Variants in NDUFS2 observed in about 807,000 individuals in gnomAD.
NDUFS2 encodes the protein NADH dehydrogenase [ubiquinone] iron-sulfur protein 2, mitochondrial.
A neutral mutation model predicts 69.6 loss-of-function variants in NDUFS2; 38 were observed. The observed-to-expected ratio is 0.55, with a 90% CI of 0.42 to 0.72. The LOEUF (loss-of-function observed/expected upper bound fraction) is 0.72. Among genes scored for constraint, NDUFS2 ranks in the 30% least tolerant of loss-of-function variants. The pLI is 0.00. For missense variants in NDUFS2, 468 were observed against 595.0 expected (o/e 0.79, Z 2.22); for synonymous variants, 194 against 211.2 (o/e 0.92, Z 0.70).
chr1:161,209,604 G>T lies in NDUFS2; in HGVS notation c.627+9G>T. On this transcript the variant is annotated intron_variant, in intron 5 of 13. Transcript: ENST00000676972. The stretch of plus-strand genomic sequence containing the variant: ...TTGAAGAAAGGGAGAAGGTAAGAGT[G>T]GGAGGAAAGGATAGGAATAGGGAAG... The T allele has an allele frequency of 6.3e-7, 1 of 1,599,228 alleles. No individual in the cohort carries two copies.
At chr1:161,198,835 T>G (rs768665399), upstream of NDUFS2, 1 of 495,978 alleles carries the variant, frequency 2.0e-6, no homozygotes, top group Non-Finnish European at 3.5e-6. The surrounding 1 kb of genome is among the most constrained non-coding windows in gnomAD (Gnocchi z 4.7). Flanking sequence ...GGGTCTGGCT[T>G]CTCCAAACTC....
At chr1:161,212,899 T>G (rs1012326150) in intron 10 of NDUFS2, among the ~76,000 whole-genome samples, 14 of 151,824 alleles carry the variant, frequency 9.2e-5, no homozygotes, top group East Asian at 1.9e-4. Flanking sequence ...GAGATTCGGG[T>G]TTTTTTTATT....
rs369587686 is a variant in NDUFS2, at chr1:161,210,412, C to G, written c.866+23C>G. 15 of 1,608,986 alleles carry G rather than the reference C, an allele frequency of 9.3e-6. No homozygotes were observed. In the South Asian group the frequency reaches 1.4e-4, roughly 15 times the overall value. ...TAGGTGAGGGGAATACAACTTCTCT[C>G]CGTAGGAGTGGGGGTGGGAGTGGGG... On this transcript the variant is annotated intron_variant, in intron 8 of 13. Transcript: ENST00000676972.
intron 2 of NDUFS2, 54 bp from the exon 3 acceptor site, chr1:161,206,353 T>C: frequency 6.3e-7 from 1 of 1,586,970 alleles, no homozygotes; most frequent in Admixed American, 1.7e-5. Context: ...TGCTATCTTT[T>C]GGGGGATCCC....
At position 161,209,970 on chromosome 1, in the gene NDUFS2, G is replaced by T. The variant is rs1462755652; in HGVS notation, c.702+39G>T. The T allele has an allele frequency of 1.9e-6, 3 of 1,612,382 alleles. No homozygotes were observed. In the South Asian group the frequency reaches 3.3e-5, roughly 18 times the overall value. On this transcript the variant is annotated intron_variant, in intron 6 of 13. Coordinates refer to ENST00000676972, the MANE Select transcript of NDUFS2 (RefSeq NM_001377299.1). ...CGGCTTCCCCAAATGTCCAGCCCAG[G>T]CCTATTTTCCCTGTGGCCACTGGAG...
chr1:161,209,221 A>G lies in NDUFS2; in HGVS notation c.422A>G (p.Tyr141Cys), dbSNP rs1665635198. Residue 141 changes from tyrosine (Y) to cysteine (C), a missense_variant, in exon 4 of 14, where the codon TAT becomes TGT. Transcript: ENST00000676972. ...CTTCCATACTTTGACCGGCTAGACT[A>G]TGTGTCCATGATGTGTAACGAACAG... ...QALPYFDRLD[Y>C]VSMMCNEQAY... 1.2e-6 allele frequency: 2 copies of G among 1,614,058 alleles called. No individual in the cohort carries two copies. The highest frequency in any genetic ancestry group is 8.5e-7 in the Non-Finnish European group (1 of 1,180,014).
upstream of NDUFS2, chr1:161,198,655 T>G: frequency 6.8e-7 from 1 of 1,471,142 alleles, no homozygotes; most frequent in Non-Finnish European, 9.0e-7. This position sits in a 1 kb window ranked among gnomAD's most constrained non-coding sequence, Gnocchi z 4.7. Flanking sequence ...TGGGAGGGAC[T>G]GAGGCCGTCT....
rs1665702712 is a variant in NDUFS2 at position 161,210,331 on chromosome 1, A to T, written c.808A>T (p.Asn270Tyr). The T allele has an allele frequency of 1.2e-6, 2 of 1,613,952 alleles. No homozygotes were observed. Among genetic ancestry groups the T allele is most frequent in the Non-Finnish European group, 1.7e-6 (2 of 1,180,008 alleles). The change falls in exon 8 of 14, where the codon AAT becomes TAT. Residue 270 changes from asparagine (N) to tyrosine (Y), a missense_variant. Coordinates refer to ENST00000676972, the MANE Select transcript of NDUFS2 (RefSeq NM_001377299.1). ...GCTGACCAACAATAGGATCTGGCGA[A>T]ATCGGACAATTGACATTGGGGTTGT... Reference protein sequence around the residue: ...ELLTNNRIWRNRTIDIGVVTA... With the variant: ...ELLTNNRIWRYRTIDIGVVTA...
chr1:161,205,821 T>C (rs1355869878), intron 2 of NDUFS2, among the ~76,000 whole-genome samples: 1 of 151,534 alleles, frequency 6.6e-6, no homozygotes, highest in Non-Finnish European at 1.5e-5. Context: ...TTAGTGCGAG[T>C]AAGCATTAGG....
chr1:161,213,314 C>A, intron 10 of NDUFS2, 66 bp from the exon 11 acceptor site: 2 of 1,028,814 alleles, frequency 1.9e-6, no homozygotes, highest in Non-Finnish European at 3.0e-6. Context: ...ATTTTCTGTG[C>A]TGGGGGAGGC....
In NDUFS2 at chr1:161,209,435, C is replaced by T. The variant is rs759871484; in HGVS notation, c.515-48C>T. The T allele has an allele frequency of 4.0e-5, 65 of 1,608,344 alleles. No individual in the cohort carries two copies. In the Middle Eastern group the frequency reaches 9.9e-4, roughly 24 times the overall value. ...CAGGCTCTGCCCAGACCTCTCTGTC[C>T]GCCTCAGTGCTTGGCTCCTATATCC... is the stretch of plus-strand genomic sequence containing the variant. On this transcript the variant is annotated intron_variant, in intron 4 of 13. Coordinates refer to ENST00000676972, the MANE Select transcript of NDUFS2 (RefSeq NM_001377299.1).
chr1:161,210,198 G>T lies in NDUFS2; in HGVS notation c.780+10G>T. 6.2e-7 allele frequency: 1 copy of T among 1,613,830 alleles called. No homozygotes were observed. The highest frequency in any genetic ancestry group is 8.5e-7 in the Non-Finnish European group (1 of 1,179,782). On this transcript the variant is annotated intron_variant, in intron 7 of 13. Coordinates refer to ENST00000676972, the MANE Select transcript of NDUFS2 (RefSeq NM_001377299.1). ...TGATGAGTTGGAGGAGGTAAGCTAG[G>T]AGTCAATGGGAAAAATCTCTCCCCC...
chr1:161,198,785 T>C (rs370827687), upstream of NDUFS2: 32 of 659,616 alleles, frequency 4.9e-5, 1 homozygote, highest in South Asian at 7.5e-4. The surrounding 1 kb of genome is among the most constrained non-coding windows in gnomAD (Gnocchi z 4.7). Context: ...TTAAAGGAAA[T>C]GGAGAAAACT....
At position 161,212,452 on chromosome 1, in the gene NDUFS2, T is replaced by G; in HGVS notation, c.1088T>G (p.Val363Gly). Residue 363 changes from valine (V) to glycine (G), a missense_variant, in exon 10 of 14, where the codon GTG becomes GGG. Transcript: ENST00000676972. ...PGEIKVDDAK[V>G]SPPKRAEMKT... ...GAGATCAAGGTTGATGATGCCAAAGTGTCTCCACCTAAGCGAGCAGAGATG... is the reference window on the plus strand; with the variant it reads ...GAGATCAAGGTTGATGATGCCAAAGGGTCTCCACCTAAGCGAGCAGAGATG... The G allele has an allele frequency of 6.2e-7, 1 of 1,613,658 alleles. No homozygotes were observed. The highest frequency in any genetic ancestry group is 1.3e-5 in the African/African-American group (1 of 74,970).
In NDUFS2 at chr1:161,213,466, G is replaced by T; in HGVS notation, c.1203G>T (p.Glu401Asp). The part of the protein sequence containing the change: ...VPPGATYTAI[E>D]APKGEFGVYL... ...CAGGAGCCACATATACTGCCATTGA[G>T]GCTCCCAAGGTAAGGAGAGGAGGGG... The change falls in exon 11 of 14, where the codon GAG becomes GAT. Residue 401 changes from glutamate (E) to aspartate (D), a missense_variant. Physicochemically the swap from Glu to Asp is conservative, Grantham distance 45. This residue lies in a region of NDUFS2 where 72 missense variants were observed against 118.9 expected (regional missense o/e 0.61). Transcript: ENST00000676972. 6.2e-7 allele frequency: 1 copy of T among 1,609,708 alleles called. No individual in the cohort carries two copies. The highest frequency in any genetic ancestry group is 8.5e-7 in the Non-Finnish European group (1 of 1,177,246).
At chr1:161,200,426 C>T (rs1259345187), upstream of NDUFS2, among the ~76,000 whole-genome samples, 2 of 152,132 alleles carry the variant, frequency 1.3e-5, no homozygotes, top group African/African-American at 4.8e-5. Context: ...CAGGAAATCC[C>T]CAGGAAGGAG....
At chr1:161,212,988 ACT>A (rs1665855678) in intron 10 of NDUFS2, 2 of 296,610 alleles carry the variant, frequency 6.7e-6, no homozygotes, top group Non-Finnish European at 1.3e-5. Context: ...CTCTGCAACC[ACT>A]GTCTCCTGGG....
rs1221919512 is a variant in NDUFS2 at position 161,213,743 on chromosome 1, A to G, written c.1296+11A>G. Reference sequence around the variant, plus strand: ...GGTTTTGCCCATCTGGTAAGAATCAATCCCAGTAACTATAACTCCAATGAA... The same window carrying G: ...GGTTTTGCCCATCTGGTAAGAATCAGTCCCAGTAACTATAACTCCAATGAA... On this transcript the variant is annotated intron_variant, in intron 12 of 13. Coordinates refer to ENST00000676972, the MANE Select transcript of NDUFS2 (RefSeq NM_001377299.1). 3.7e-6 allele frequency: 6 copies of G among 1,614,032 alleles called. No individual in the cohort carries two copies. Among genetic ancestry groups the G allele is most frequent in the African/African-American group, 2.7e-5 (2 of 74,912 alleles).
At chr1:161,210,777 C>T in intron 9 of NDUFS2, 67 bp downstream of exon 9, 5 of 1,609,876 alleles carry the variant, frequency 3.1e-6, no homozygotes, top group Non-Finnish European at 4.2e-6. Flanking sequence ...TTCTCTTTGC[C>T]ACTTCCTTCT....
Sources: gnomAD v4.1 joint callset for allele counts (sites outside exome capture counted in the v4.1 genomes callset) on GRCh38, gnomAD v4.1.1 for gene constraint, gnomAD v4.1.1 regional missense constraint, Gnocchi (gnomAD v3.1) non-coding constraint, MANE v1.5 for transcripts, NCBI Gene and HGNC (gene_info 2026-07-23, HGNC 2026-07-21) for gene names.